Variants in MARF1 observed in about 807,000 individuals in gnomAD.
MARF1 encodes meiosis regulator and mRNA stability factor 1.
In MARF1, 24 loss-of-function variants were observed where a neutral mutation model predicts 168.2. The observed-to-expected ratio is 0.14, with a 90% CI of 0.10 to 0.20. MARF1 has a LOEUF of 0.20. MARF1 is among the 10% of genes least tolerant of loss of function. MARF1 has a pLI of 1.00. For missense variants in MARF1, 1,744 were observed against 2,143.6 expected (o/e 0.81, Z 3.68); for synonymous variants, 868 against 822.4 (o/e 1.06, Z -0.95).
chr16:15,631,897 T>G (rs2035280437), intron 5 of MARF1, among the ~76,000 whole-genome samples: 1 of 152,230 alleles, frequency 6.6e-6, no homozygotes, highest in South Asian at 2.1e-4. Context: ...GACTTCCAGC[T>G]TCATCCATGT....
rs762775448 is a variant in MARF1 at position 15,600,436 on chromosome 16, T to C, written c.4805A>G (p.Asp1602Gly). 6.2e-7 allele frequency: 1 copy of C among 1,614,158 alleles called. No individual in the cohort carries two copies. Among genetic ancestry groups the C allele is most frequent in the Non-Finnish European group, 8.5e-7 (1 of 1,180,042 alleles). Residue 1602 changes from aspartate (D) to glycine (G), a missense_variant, in exon 25 of 27, where the codon GAC (aspartate) becomes GGC (glycine). By Grantham distance (94) the Asp-to-Gly change is moderately conservative. Transcript: ENST00000396368. Reference protein sequence around the residue: ...HTASELKLGADGSGPSHTEQE... With the variant: ...HTASELKLGAGGSGPSHTEQE... ...TGCTTTTCCTCTCTTACCACTGCCGTCAGCTCCAAGCTTGAGTTCCGAGGC... is the reference window on the plus strand; with the variant it reads ...TGCTTTTCCTCTCTTACCACTGCCGCCAGCTCCAAGCTTGAGTTCCGAGGC...
intron 16 of MARF1, 101 bp downstream of exon 16, chr16:15,615,729 C>A (rs2033993234): frequency 1.1e-6 from 1 of 886,418 alleles, no homozygotes; most frequent in East Asian, 2.9e-5. Context: ...GGTGTTTTCA[C>A]ACTTGGCAAA....
At chr16:15,621,541 T>A (rs1356902683) in intron 12 of MARF1, 192 bp downstream of exon 12, 2 of 600,620 alleles carry the variant, frequency 3.3e-6, no homozygotes, top group South Asian at 2.3e-5. Flanking sequence ...TAAGCTGTAT[T>A]CCAGCTTTGA....
Position 15,602,623 on chromosome 16 carries a change from A to AGAG in MARF1, c.4414-421_4414-420insCTC, listed in dbSNP as rs1555520449. 2.4e-5 allele frequency: 11 copies of AGAG among 455,302 alleles called. 1 individual carries two copies. Among genetic ancestry groups the AGAG allele is most frequent in the South Asian group, 7.8e-5 (5 of 64,282 alleles). The allele number at this position is 455,302 out of a possible 1,614,324, so 28.2% of individuals were successfully genotyped here. On this transcript the variant is annotated intron_variant, in intron 22 of 26. Coordinates refer to ENST00000396368, the MANE Select transcript of MARF1 (RefSeq NM_014647.4). ...CAAAGAAGAAGAAAGGAGGAGGAGG[A>AGAG]AGGAAAGAAGGAAGAGGAGAAAGAA...
At chr16:15,612,848 T>A in intron 16 of MARF1, 71 bp from the exon 17 acceptor site, 1 of 1,301,804 alleles carries the variant, frequency 7.7e-7, no homozygotes, top group Non-Finnish European at 1.1e-6. Context: ...AAAATGGCCC[T>A]GCAGTCCCTG....
At position 15,637,985 on chromosome 16, in the gene MARF1, G is replaced by A. The variant is rs572714331; in HGVS notation, c.144+1105C>T. On this transcript the variant is annotated intron_variant, in intron 2 of 26. Coordinates refer to ENST00000396368, the MANE Select transcript of MARF1 (RefSeq NM_014647.4). ...AGTTCAAGACCAGCCTGGCCAACAC[G>A]GTGAAACCCCATCTCTACTAAAATA... Among the ~76,000 whole-genome samples the A allele has an allele frequency of 7.2e-5, 11 of 151,984 alleles. No homozygotes were observed. In the East Asian group the frequency reaches 1.9e-3, roughly 27 times the overall value.
chr16:15,624,881 T>G lies in MARF1; in HGVS notation c.2158A>C (p.Lys720Gln), dbSNP rs545358249. ...ARSVTSSPVE[K>Q]KDKEETVFQV... ...AATACAGTCTCCTCTTTATCTTTTT[T>G]CTCTACAGGAGAACTGGTAACACTT... Residue 720 changes from lysine (K) to glutamine (Q), a missense_variant, in exon 10 of 27, where the codon AAA becomes CAA. This residue lies in a region of MARF1 where 270 missense variants were observed against 260.6 expected (regional missense o/e 1.04). Transcript: ENST00000396368. The G allele has an allele frequency of 6.2e-7, 1 of 1,614,162 alleles. No homozygotes were observed. The highest frequency in any genetic ancestry group is 2.2e-5 in the East Asian group (1 of 44,886).
intron 19 of MARF1, among the ~76,000 whole-genome samples, chr16:15,609,934 ATATTAT>A (rs752383941): frequency 1.7e-4 from 26 of 152,144 alleles, no homozygotes; most frequent in Non-Finnish European, 3.4e-4. Flanking sequence ...GGAAGTTATG[ATATTAT>A]TATATTATGA....
rs757411400 is a variant in MARF1 at position 15,596,788 on chromosome 16, T to G, written c.5134A>C (p.Ser1712Arg). 3 of 1,613,966 alleles carry G rather than the reference T, an allele frequency of 1.9e-6. No individual in the cohort carries two copies. The highest frequency in any genetic ancestry group is 2.5e-6 in the Non-Finnish European group (3 of 1,179,946). ...GCCGGGCTTTCCACGGGGTCCTTGC[T>G]GAGCAGTGACTCGGAGGTTTCCGAG... is the stretch of plus-strand genomic sequence containing the variant. ...PSSETSESLL[S>R]KDPVESPAKK... Residue 1712 changes from serine to arginine, a missense_variant, in exon 27 of 27, where the codon AGC (serine) becomes CGC (arginine). Transcript: ENST00000396368.
intron 11 of MARF1, 101 bp from the exon 12 acceptor site, chr16:15,622,012 C>T (rs1220490476): frequency 5.7e-6 from 6 of 1,057,830 alleles, no homozygotes; most frequent in African/African-American, 1.6e-5. Flanking sequence ...TCGACTGCAG[C>T]GCTTCCATGA....
rs765032080 is a variant in MARF1 at position 15,630,500 on chromosome 16, A to G, written c.1356T>C (p.Asp452=). ...APATVVLVST[D]VNFALELSDL... ...CACTAAGTTCCAATGCAAAATTGAC[A>G]TCAGCTGAAAGAAAAGGTACAGACC... Residue 452 remains aspartate, a synonymous_variant, in exon 7 of 27, where the codon GAT becomes GAC. Coordinates refer to ENST00000396368, the MANE Select transcript of MARF1 (RefSeq NM_014647.4). The G allele has an allele frequency of 5.6e-6, 9 of 1,612,742 alleles. No individual in the cohort carries two copies. The Middle Eastern group carries it at 5.3e-4, about 95-fold the overall frequency.
intron 12 of MARF1, chr16:15,621,471 A>G (rs988852604): frequency 1.5e-5 from 7 of 457,648 alleles, no homozygotes; most frequent in Non-Finnish European, 2.3e-5. Context: ...GGGGTCTACT[A>G]TTTTTAGAAC....
chr16:15,624,730 A>C (rs1418709154), intron 10 of MARF1, 39 bp downstream of exon 10: 4 of 1,575,264 alleles, frequency 2.5e-6, no homozygotes, highest in Non-Finnish European at 3.5e-6. Context: ...CCTTCCTATT[A>C]CATGTAACCA....
chr16:15,630,047 G>A (rs1391802196), intron 7 of MARF1, among the ~76,000 whole-genome samples: 1 of 152,200 alleles, frequency 6.6e-6, no homozygotes, highest in Non-Finnish European at 1.5e-5. Flanking sequence ...CTATCCACCT[G>A]ACACAAAACA....
Position 15,625,151 on chromosome 16 carries a change from T to G in MARF1, c.1976A>C (p.Lys659Thr). 1.2e-6 allele frequency: 2 copies of G among 1,614,138 alleles called. No individual in the cohort carries two copies. The highest frequency in any genetic ancestry group is 2.7e-5 in the African/African-American group (2 of 75,028). ...GTGCTCACTGTTTCTATGACCAGTTTTTGACTCCATGCGGCACAGCTCCTT... is the reference window on the plus strand; with the variant it reads ...GTGCTCACTGTTTCTATGACCAGTTGTTGACTCCATGCGGCACAGCTCCTT... ...SLQELCRMESKTGHRNSEHQQ... is the reference protein window; with the variant it reads ...SLQELCRMESTTGHRNSEHQQ... The change falls in exon 9 of 27, where the codon AAA becomes ACA. Residue 659 changes from lysine (K) to threonine (T), a missense_variant. Around this residue, in one of 7 missense-constraint regions of MARF1, gnomAD observed 270 missense variants for 260.6 expected, o/e 1.04. Transcript: ENST00000396368.
In MARF1 at chr16:15,632,670, A is replaced by C. The variant is rs74347842; in HGVS notation, c.1233+947T>G. ...AAGGAAGGAAAGGTTTATTTTGAGAAAGTTGCCTCAGGCACCTGCAATACA... is the reference window on the plus strand; with the variant it reads ...AAGGAAGGAAAGGTTTATTTTGAGACAGTTGCCTCAGGCACCTGCAATACA... On this transcript the variant is annotated intron_variant, in intron 5 of 26. Transcript: ENST00000396368. 7.5e-3 allele frequency among the ~76,000 whole-genome samples: 1,135 copies of C among 152,338 alleles called. 19 individuals carry two copies. Among genetic ancestry groups the C allele is most frequent in the African/African-American group, 0.027 (1,102 of 41,572 alleles).
At chr16:15,640,160 G>GT (rs1393917349) in intron 1 of MARF1, among the ~76,000 whole-genome samples, 2 of 152,186 alleles carry the variant, frequency 1.3e-5, no homozygotes, top group South Asian at 2.1e-4. Context: ...ACAACTATAT[G>GT]TAAGATTTTA....
intron 11 of MARF1, 107 bp from the exon 12 acceptor site, chr16:15,622,018 C>T (rs905734882): frequency 3.3e-5 from 32 of 972,308 alleles, no homozygotes; most frequent in Non-Finnish European, 4.6e-5. Flanking sequence ...GCAGCGCTTC[C>T]ATGAAGGAGT....
Position 15,621,928 on chromosome 16 carries a change from G to T in MARF1, c.2461-17C>A, listed in dbSNP as rs759194569. On this transcript the variant is annotated splice_polypyrimidine_tract_variant and intron_variant, in intron 11 of 26. Transcript: ENST00000396368. ...ACTCTTCACCTACAACAGGAAAAGC[G>T]AAAACTAAACGCTATGTCCGCCCAG... The T allele has an allele frequency of 1.2e-6, 2 of 1,609,692 alleles. No homozygotes were observed. Among genetic ancestry groups the T allele is most frequent in the Non-Finnish European group, 1.7e-6 (2 of 1,178,094 alleles).
Sources: allele counts gnomAD v4.1 joint callset (sites outside exome capture counted in the v4.1 genomes callset), GRCh38; gene constraint gnomAD v4.1.1; regional missense constraint gnomAD v4.1.1; transcripts MANE v1.5; gene names NCBI Gene and HGNC (gene_info 2026-07-23, HGNC 2026-07-21).